CHCHD3: variants seen among roughly 807,000 people sequenced by gnomAD.
CHCHD3 encodes coiled-coil-helix-coiled-coil-helix domain containing 3.
A neutral mutation model predicts 38.2 loss-of-function variants in CHCHD3; 20 were observed. That is an observed-to-expected ratio of 0.52 (90% CI 0.37 to 0.76). CHCHD3 has a LOEUF of 0.76. Among genes scored for constraint, CHCHD3 ranks in the 30% least tolerant of loss-of-function variants. CHCHD3 has a pLI of 0.00. For missense variants in CHCHD3, 245 were observed against 279.2 expected, an observed-to-expected ratio of 0.88 and a Z score of 0.87; for synonymous variants, 82 against 100.0, an observed-to-expected ratio of 0.82 and a Z score of 1.07.
intron 5 of CHCHD3, among the ~76,000 whole-genome samples, chr7:132,863,161 A>C (rs1808536208): frequency 6.6e-6 from 1 of 152,186 alleles, no homozygotes; most frequent in Non-Finnish European, 1.5e-5. Flanking sequence ...AGAAATCACT[A>C]TCTATGGCAG....
In CHCHD3 at chr7:133,024,621, T is replaced by A. The variant is rs1484304400; in HGVS notation, c.176A>T (p.Asp59Val). Residue 59 changes from aspartate (D) to valine (V), a missense_variant, in exon 3 of 8, where the codon GAT becomes GTT. Asp to Val is a radical substitution (Grantham distance 152). Transcript: ENST00000262570. Reference protein sequence around the residue: ...YSGAYGASVSDEELKRRVAEE... With the variant: ...YSGAYGASVSVEELKRRVAEE... ...AGCTACTCTTCTTTTCAATTCTTCA[T>A]CAGAAACTAGAATCGATAAAGAGCA... 6.2e-7 allele frequency: 1 copy of A among 1,610,700 alleles called. No homozygotes were observed. Among genetic ancestry groups the A allele is most frequent in the Non-Finnish European group, 8.5e-7 (1 of 1,177,074 alleles).
At chr7:132,970,520 C>T (rs527751611) in intron 4 of CHCHD3, among the ~76,000 whole-genome samples, 4 of 152,322 alleles carry the variant, frequency 2.6e-5, no homozygotes, top group African/African-American at 9.6e-5. Context: ...GGAATCCTCA[C>T]AAGACTATAA....
chr7:132,860,278 G>C (rs1381045361), intron 5 of CHCHD3, among the ~76,000 whole-genome samples: 1 of 146,206 alleles, frequency 6.8e-6, no homozygotes, highest in Admixed American at 7.0e-5. Flanking sequence ...AAAATAAACA[G>C]ATTTTTTTTT....
chr7:132,920,625 G>T (rs1810236830), intron 4 of CHCHD3, among the ~76,000 whole-genome samples: 1 of 152,116 alleles, frequency 6.6e-6, no homozygotes. Flanking sequence ...GGTCATGAAG[G>T]TTCCAGATGC....
intron 3 of CHCHD3, among the ~76,000 whole-genome samples, chr7:133,017,773 T>C (rs1360221827): frequency 1.3e-5 from 2 of 152,168 alleles, no homozygotes; most frequent in Non-Finnish European, 2.9e-5. Context: ...GGAAAGAAAA[T>C]TGGATTTGAA....
chr7:133,004,298 T>C (rs1423955280), intron 3 of CHCHD3, among the ~76,000 whole-genome samples: 1 of 152,210 alleles, frequency 6.6e-6, no homozygotes, highest in African/African-American at 2.4e-5. Flanking sequence ...AATGTGTACC[T>C]GGGTAAGAAT....
At chr7:132,944,493 T>C (rs1810848614) in intron 4 of CHCHD3, among the ~76,000 whole-genome samples, 1 of 149,070 alleles carries the variant, frequency 6.7e-6, no homozygotes, top group Non-Finnish European at 1.5e-5. Context: ...AAAATATACA[T>C]TAAAAGAATA....
At chr7:133,073,425 C>T (rs1203034638) in intron 1 of CHCHD3, among the ~76,000 whole-genome samples, 5 of 152,112 alleles carry the variant, frequency 3.3e-5, no homozygotes, top group Non-Finnish European at 5.9e-5. Flanking sequence ...CTCAGAAGCC[C>T]GGTCTCCACA....
At chr7:133,020,791 T>C (rs369617115) in intron 3 of CHCHD3, among the ~76,000 whole-genome samples, 2 of 152,304 alleles carry the variant, frequency 1.3e-5, no homozygotes, top group African/African-American at 4.8e-5. Flanking sequence ...TAGAATATGA[T>C]ATTGTGTGGA....
At chr7:132,845,991 T>C (rs1808067659) in intron 5 of CHCHD3, among the ~76,000 whole-genome samples, 1 of 152,212 alleles carries the variant, frequency 6.6e-6, no homozygotes, top group East Asian at 1.9e-4. Context: ...TTTAAAAATC[T>C]GAGATGAAAT....
intron 2 of CHCHD3, among the ~76,000 whole-genome samples, chr7:133,057,771 T>G (rs1814385763): frequency 6.6e-6 from 1 of 152,036 alleles, no homozygotes. Flanking sequence ...GAGGAAAAAT[T>G]TATTATTTGT....
chr7:132,985,770 G>A (rs1812099722), intron 3 of CHCHD3, among the ~76,000 whole-genome samples: 1 of 96,378 alleles, frequency 1.0e-5, no homozygotes, highest in African/African-American at 4.0e-5. Flanking sequence ...ACCCCGTCCG[G>A]GAGGGAGGCG....
chr7:133,014,612 A>C (rs1297233379), intron 3 of CHCHD3, among the ~76,000 whole-genome samples: 1 of 152,090 alleles, frequency 6.6e-6, no homozygotes, highest in Non-Finnish European at 1.5e-5. Context: ...CAAGCCAAAA[A>C]CCCAGCATAT....
intron 5 of CHCHD3, among the ~76,000 whole-genome samples, chr7:132,860,306 G>GAGAGAGAGAA (rs1036686873): frequency 2.0e-5 from 2 of 99,254 alleles, no homozygotes; most frequent in African/African-American, 4.6e-5. Flanking sequence ...GATAGATAGA[G>GAGAGAGAGAA]AGAGAGAGAA....
chr7:132,960,462 T>G (rs7804370), intron 4 of CHCHD3, among the ~76,000 whole-genome samples: 30,331 of 152,056 alleles, frequency 0.2, 3,329 homozygotes, highest in South Asian at 0.25. Context: ...AGCCACTCTC[T>G]TAATAATATA....
chr7:132,866,708 T>G (rs1043004778), intron 5 of CHCHD3, among the ~76,000 whole-genome samples: 6 of 152,186 alleles, frequency 3.9e-5, no homozygotes, highest in African/African-American at 9.7e-5. Context: ...TCATTTGAAC[T>G]CAACATAGAA....
intron 4 of CHCHD3, among the ~76,000 whole-genome samples, chr7:132,955,650 G>C (rs1811146213): frequency 1.3e-5 from 2 of 151,504 alleles, no homozygotes; most frequent in African/African-American, 4.9e-5. Flanking sequence ...CATCATACTT[G>C]TTAAGACGGC....
intron 4 of CHCHD3, among the ~76,000 whole-genome samples, chr7:132,904,473 A>G (rs1312678019): frequency 6.6e-6 from 1 of 152,216 alleles, no homozygotes; most frequent in African/African-American, 2.4e-5. Context: ...ACCTACCTGC[A>G]AATGACACAT....
chr7:132,963,859 G>A (rs1476627521), intron 4 of CHCHD3, among the ~76,000 whole-genome samples: 3 of 152,070 alleles, frequency 2.0e-5, no homozygotes, highest in African/African-American at 7.2e-5. Flanking sequence ...TAATACATTA[G>A]TTAACCTGCT....
Sources: allele counts gnomAD v4.1 joint callset (sites outside exome capture counted in the v4.1 genomes callset), GRCh38; gene constraint gnomAD v4.1.1; transcripts MANE v1.5; gene names NCBI Gene and HGNC (gene_info 2026-07-23, HGNC 2026-07-21).